The following LIG3 variants were observed in gnomAD, a reference collection of about 807,000 sequenced individuals.
LIG3 encodes ligase II, DNA, ATP-dependent.
A neutral mutation model predicts 110.9 loss-of-function variants in LIG3; 58 were observed. The ratio of observed to expected loss-of-function variants is 0.52; its 90% CI spans 0.42 to 0.65. The LOEUF is 0.65. Ranked by LOEUF, LIG3 falls within the 30% of genes least tolerant of loss-of-function variation. The probability of loss-of-function intolerance (pLI) is 0.00; values close to 1 mark genes in which losing one functional copy is unlikely to be tolerated. For missense variants in LIG3, 1,094 were observed against 1,273.8 expected (o/e 0.86, Z 2.15); for synonymous variants, 422 against 472.8 (o/e 0.89, Z 1.39).
intron 3 of LIG3, among the ~76,000 whole-genome samples, chr17:34,987,926 G>A (rs2090674742): frequency 6.6e-6 from 1 of 152,056 alleles, no homozygotes; most frequent in Non-Finnish European, 1.5e-5. Flanking sequence ...CGGGCGCGGT[G>A]GCTCACACTT....
chr17:34,994,287 C>T lies in LIG3; in HGVS notation c.1467C>T (p.Cys489=). Residue 489 remains cysteine, a synonymous_variant, in exon 9 of 20, where the codon TGC becomes TGT. Coordinates refer to ENST00000378526, the MANE Select transcript of LIG3 (RefSeq NM_013975.4). The stretch of plus-strand genomic sequence containing the variant: ...TTCCCCACCCCAAGGCGGAGGCCTG[C>T]AAGTCCGTTGAGTATGCAATGAAGA... The part of the protein sequence containing the change: ...TPVQPMLAEA[C]KSVEYAMKKC... 6.2e-7 allele frequency: 1 copy of T among 1,612,376 alleles called. No individual in the cohort carries two copies. The highest frequency in any genetic ancestry group is 8.5e-7 in the Non-Finnish European group (1 of 1,179,580).
In LIG3 at chr17:34,990,974, G is replaced by A. The variant is rs376449090; in HGVS notation, c.901G>A (p.Gly301Ser). ...RKGSAGDGFH[G>S]DVYLTVKLLL... ...CCTTCTGTCTCCAGATGGTTTCCAC[G>A]GTGATGTGTACCTAACAGTGAAGCT... is the stretch of plus-strand genomic sequence containing the variant. Residue 301 changes from glycine to serine, a missense_variant, in exon 5 of 20, where the codon GGT (glycine) becomes AGT (serine). Physicochemically the swap from Gly to Ser is moderately conservative, Grantham distance 56. Coordinates refer to ENST00000378526, the MANE Select transcript of LIG3 (RefSeq NM_013975.4). 21 of 1,613,766 alleles carry A rather than the reference G, an allele frequency of 1.3e-5. No individual in the cohort carries two copies. The highest frequency in any genetic ancestry group is 1.6e-4 in the Middle Eastern group (1 of 6,082).
chr17:34,996,024 G>A (rs920227249), intron 9 of LIG3, 40 bp from the exon 10 acceptor site: 1 of 1,597,654 alleles, frequency 6.3e-7, no homozygotes, highest in South Asian at 1.1e-5. Context: ...GGTCCCTGCT[G>A]CCATGTCATC....
rs1244963240 is a variant in LIG3, at chr17:34,991,759, T to C, written c.1130T>C (p.Val377Ala). The C allele has an allele frequency of 6.2e-7, 1 of 1,614,078 alleles. No individual in the cohort carries two copies. Among genetic ancestry groups the C allele is most frequent in the South Asian group, 1.1e-5 (1 of 91,070 alleles). ...AAKSLLTIQEVDEFLLRLSKL... is the reference protein window; with the variant it reads ...AAKSLLTIQEADEFLLRLSKL... ...AAGAGCCTCCTTACCATCCAGGAAGTGGATGAGTTCCTTCTGCGGCTGTCC... is the reference window on the plus strand; with the variant it reads ...AAGAGCCTCCTTACCATCCAGGAAGCGGATGAGTTCCTTCTGCGGCTGTCC... The change falls in exon 6 of 20, where the codon GTG becomes GCG. Residue 377 changes from valine (V) to alanine (A), a missense_variant. Coordinates refer to ENST00000378526, the MANE Select transcript of LIG3 (RefSeq NM_013975.4).
downstream of LIG3, chr17:35,010,275 T>G (rs994313504): frequency 2.0e-5 from 3 of 152,206 alleles, no homozygotes; most frequent in African/African-American, 7.2e-5. Context: ...CCAAGGCGTT[T>G]AGGGTTTGCA....
At chr17:34,984,093 A>G (rs1347795140) in intron 2 of LIG3, among the ~76,000 whole-genome samples, 1 of 152,198 alleles carries the variant, frequency 6.6e-6, no homozygotes, top group Non-Finnish European at 1.5e-5. Context: ...TATAGCTATC[A>G]TCTTCAGAAA....
In LIG3 at chr17:34,994,279, G is replaced by A. The variant is rs764797461; in HGVS notation, c.1459G>A (p.Glu487Lys). 3.1e-6 allele frequency: 5 copies of A among 1,611,650 alleles called. No homozygotes were observed. Among genetic ancestry groups the A allele is most frequent in the African/African-American group, 2.7e-5 (2 of 74,790 alleles). The change falls in exon 9 of 20, where the codon GAG becomes AAG. Residue 487 changes from glutamate to lysine, a missense_variant. By Grantham distance (56) the Glu-to-Lys change is moderately conservative. Transcript: ENST00000378526. ...LMTPVQPMLA[E>K]ACKSVEYAMK... Reference sequence around the variant, plus strand: ...GCTTTGCTTTCCCCACCCCAAGGCGGAGGCCTGCAAGTCCGTTGAGTATGC... The same window carrying A: ...GCTTTGCTTTCCCCACCCCAAGGCGAAGGCCTGCAAGTCCGTTGAGTATGC...
At chr17:34,982,219 G>C (rs143793295) in intron 1 of LIG3, among the ~76,000 whole-genome samples, 4 of 152,322 alleles carry the variant, frequency 2.6e-5, no homozygotes, top group African/African-American at 9.6e-5. Context: ...GCTCTGCTTA[G>C]TTGTCTCTCA....
Position 35,004,776 on chromosome 17 carries a change from CCT to C in LIG3, c.*271_*272del, listed in dbSNP as rs2090882018. The C allele has an allele frequency of 4.5e-6, 2 of 440,272 alleles. No homozygotes were observed. Among genetic ancestry groups the C allele is most frequent in the Non-Finnish European group, 8.1e-6 (2 of 245,742 alleles). 27.3% of individuals were successfully genotyped at this position (440,272 alleles called of 1,614,324 possible). On this transcript the variant is annotated 3_prime_UTR_variant, in exon 20 of 20. Coordinates refer to ENST00000378526, the MANE Select transcript of LIG3 (RefSeq NM_013975.4). ...TTTCTTTGAAAAGCAGCTTAGTTAC[CCT>C]TTTTATAAATAAAATATCTTGCAGT...
intron 1 of LIG3, chr17:34,980,994 G>T (rs997619787): frequency 6.6e-6 from 1 of 152,300 alleles, no homozygotes; most frequent in South Asian, 2.1e-4. Flanking sequence ...CGGACCCGGT[G>T]GAGGAGCGCT....
intron 1 of LIG3, among the ~76,000 whole-genome samples, chr17:34,982,088 C>T (rs2090601353): frequency 1.3e-5 from 2 of 152,124 alleles, no homozygotes; most frequent in African/African-American, 2.4e-5. Flanking sequence ...TTAAGTTAGG[C>T]CCCATAATTA....
At position 35,002,166 on chromosome 17, in the gene LIG3, G is replaced by T; in HGVS notation, c.2674+62G>T. 2.9e-6 allele frequency: 4 copies of T among 1,396,382 alleles called. No individual in the cohort carries two copies. The South Asian group carries it at 5.9e-5, about 21-fold the overall frequency. The allele number at this position is 1,396,382 out of a possible 1,614,324, so 86.5% of individuals were successfully genotyped here. A position where few individuals can be genotyped will look rare whatever the true frequency, so the allele number is the denominator to read the frequency against. On this transcript the variant is annotated intron_variant, in intron 18 of 19. Transcript: ENST00000378526. ...CGGTGTGAGGGGCAGAGATCCAAGG[G>T]CAGGGACCCAGTCTCACATTCCAGC... is the stretch of plus-strand genomic sequence containing the variant.
intron 8 of LIG3, 129 bp from the exon 9 acceptor site, chr17:34,994,147 G>A (rs2090754098): frequency 5.3e-6 from 4 of 755,336 alleles, no homozygotes; most frequent in Admixed American, 3.0e-5. Context: ...TTCCCTGAGC[G>A]TTAATTGTGG....
intron 8 of LIG3, among the ~76,000 whole-genome samples, 178 bp downstream of exon 8, chr17:34,992,870 AC>A (rs1054572253): frequency 6.6e-6 from 1 of 152,132 alleles, no homozygotes; most frequent in Non-Finnish European, 1.5e-5. Flanking sequence ...AAAGGAGAAG[AC>A]AGAGGATCTA....
At position 34,996,616 on chromosome 17, in the gene LIG3, G is replaced by C; in HGVS notation, c.1786G>C (p.Asp596His). Reference protein sequence around the residue: ...QDANVCLFVFDCIYFNDVSLM... With the variant: ...QDANVCLFVFHCIYFNDVSLM... ...TGCTAATGTCTGCCTGTTTGTTTTT[G>C]ATTGTATCTACTTTAATGATGTCAG... The change falls in exon 11 of 20, where the codon GAT becomes CAT. Residue 596 changes from aspartate to histidine, a missense_variant. Coordinates refer to ENST00000378526, the MANE Select transcript of LIG3 (RefSeq NM_013975.4). The C allele has an allele frequency of 6.2e-7, 1 of 1,614,028 alleles. No individual in the cohort carries two copies. Among genetic ancestry groups the C allele is most frequent in the Non-Finnish European group, 8.5e-7 (1 of 1,180,006 alleles).
chr17:35,001,831 A>G (rs1248254888), intron 17 of LIG3, 78 bp from the exon 18 acceptor site: 2 of 1,356,338 alleles, frequency 1.5e-6, no homozygotes, highest in African/African-American at 1.5e-5. Context: ...ATGCGCCTAA[A>G]ATACACCACA....
rs183269632 is a variant in LIG3 at position 34,989,828 on chromosome 17, G to A, written c.889+165G>A. ...TTAATAATTTTGAACAAGGGGCCTC[G>A]CATTTGCATTTTGCACTGTACTCCA... is the stretch of plus-strand genomic sequence containing the variant. On this transcript the variant is annotated intron_variant, in intron 4 of 19. Transcript: ENST00000378526. 488 of 655,196 alleles carry A rather than the reference G, an allele frequency of 7.4e-4. 7 individuals are homozygous for A. Among genetic ancestry groups the A allele is most frequent in the South Asian group, 6.3e-3 (336 of 53,004 alleles). The allele number at this position is 655,196 out of a possible 1,614,324, so 40.6% of individuals were successfully genotyped here. A position where few individuals can be genotyped will look rare whatever the true frequency, so the allele number is the denominator to read the frequency against.
Position 35,002,763 on chromosome 17 carries a change from G to C in LIG3, c.2770G>C (p.Ala924Pro). Residue 924 changes from alanine (A) to proline (P), a missense_variant, in exon 19 of 20, where the codon GCT (alanine) becomes CCT (proline). Transcript: ENST00000378526. ...GAAAGTAGGGGAGAAGCGGAAAGCT[G>C]CTGATGAGACGCTGTGCCAAACAAA... ...PVKVGEKRKA[A>P]DETLCQTKVL... 1 of 1,609,702 alleles carries C rather than the reference G, an allele frequency of 6.2e-7. No individual in the cohort carries two copies. Among genetic ancestry groups the C allele is most frequent in the Non-Finnish European group, 8.5e-7 (1 of 1,177,618 alleles).
At position 34,991,024 on chromosome 17, in the gene LIG3, T is replaced by G; in HGVS notation, c.951T>G (p.Thr317=). The part of the protein sequence containing the change: ...VKLLLPGVIK[T]VYNLNDKQIV... ...TGCTGCTGCCAGGAGTCATTAAGAC[T>G]GTTTACAACTTGAACGATAAGCAGA... The change falls in exon 5 of 20, where the codon ACT becomes ACG. Residue 317 remains threonine (T), a synonymous_variant. Coordinates refer to ENST00000378526, the MANE Select transcript of LIG3 (RefSeq NM_013975.4). 3.7e-6 allele frequency: 6 copies of G among 1,614,214 alleles called. No homozygotes were observed. Among genetic ancestry groups the G allele is most frequent in the Non-Finnish European group, 5.1e-6 (6 of 1,180,018 alleles).
Sources: allele counts gnomAD v4.1 joint callset (sites outside exome capture counted in the v4.1 genomes callset), GRCh38; gene constraint gnomAD v4.1.1; transcripts MANE v1.5; gene names NCBI Gene and HGNC (gene_info 2026-07-23, HGNC 2026-07-21).